Variants in GRIK4 observed in about 807,000 individuals in gnomAD.
GRIK4 encodes the protein glutamate receptor ionotropic, kainate 4.
A neutral mutation model predicts 104.9 loss-of-function variants in GRIK4; 40 were observed. The observed-to-expected ratio is 0.38, with a 90% confidence interval of 0.30 to 0.50. GRIK4 has a LOEUF of 0.50. GRIK4 is among the 20% of genes least tolerant of loss of function. The pLI is 0.93. For synonymous variants in GRIK4, 485 were observed against 524.9 expected, an observed-to-expected ratio of 0.92 and a Z score of 1.04; for missense variants, 1,047 against 1,308.1, an observed-to-expected ratio of 0.80 and a Z score of 3.08.
intron 3 of GRIK4, among the ~76,000 whole-genome samples, chr11:120,680,144 C>G (rs60058140): frequency 0.014 from 2,137 of 152,256 alleles, 49 homozygotes; most frequent in African/African-American, 0.048. Flanking sequence ...GTGGCGTGAT[C>G]TTAGCTCATT....
chr11:120,886,202 C>T (rs145196689), intron 11 of GRIK4, among the ~76,000 whole-genome samples: 1 of 152,364 alleles, frequency 6.6e-6, no homozygotes, highest in Non-Finnish European at 1.5e-5. Flanking sequence ...TGTGCACGTT[C>T]CCAGCTGAGG....
chr11:120,852,205 A>C (rs1953989559), intron 8 of GRIK4, among the ~76,000 whole-genome samples: 4 of 152,230 alleles, frequency 2.6e-5, no homozygotes, highest in Admixed American at 2.6e-4. Context: ...ACAGTGTTGT[A>C]AATAAAAAAA....
chr11:120,908,635 G>A (rs1942925009), intron 13 of GRIK4, among the ~76,000 whole-genome samples: 1 of 152,106 alleles, frequency 6.6e-6, no homozygotes, highest in Non-Finnish European at 1.5e-5. Flanking sequence ...ATGCAGAAGG[G>A]GTGTGTTAGC....
At chr11:120,733,319 A>G (rs889804824) in intron 3 of GRIK4, among the ~76,000 whole-genome samples, 4 of 152,184 alleles carry the variant, frequency 2.6e-5, no homozygotes, top group Middle Eastern at 6.8e-3. Flanking sequence ...TTTATATTCA[A>G]TGTTATTATT....
chr11:120,973,967 G>C (rs1944518942), intron 19 of GRIK4, among the ~76,000 whole-genome samples: 1 of 151,964 alleles, frequency 6.6e-6, no homozygotes, highest in Admixed American at 6.6e-5. Context: ...GAGTGCAATG[G>C]CACAATCTTG....
At chr11:120,839,277 A>G (rs564792821) in intron 8 of GRIK4, among the ~76,000 whole-genome samples, 1 of 152,220 alleles carries the variant, frequency 6.6e-6, no homozygotes, top group African/African-American at 2.4e-5. Flanking sequence ...GTGATGCAGT[A>G]GGTCCTCAGA....
Position 120,646,434 on chromosome 11 carries a change from T to C in GRIK4, c.-158-7251T>C, listed in dbSNP as rs562847988. ...GAGCTTGTGCGGATAACCACTCCCTTGTACTGCCTCCTTCTGGGAGTTTTG... is the reference window on the plus strand; with the variant it reads ...GAGCTTGTGCGGATAACCACTCCCTCGTACTGCCTCCTTCTGGGAGTTTTG... On this transcript the variant is annotated intron_variant, in intron 1 of 20. Transcript: ENST00000527524. 3.3e-5 allele frequency among the ~76,000 whole-genome samples: 5 copies of C among 152,182 alleles called. No individual in the cohort carries two copies. In the South Asian group the frequency reaches 1.0e-3, roughly 31 times the overall value.
At chr11:120,703,016 A>G (rs61901376) in intron 3 of GRIK4, among the ~76,000 whole-genome samples, 14,503 of 152,282 alleles carry the variant, frequency 0.095, 736 homozygotes, top group South Asian at 0.12. Context: ...AAAAAGCAAC[A>G]TAGCTGCCTT....
At chr11:120,792,608 A>G (rs1357596454) in intron 3 of GRIK4, among the ~76,000 whole-genome samples, 1 of 152,086 alleles carries the variant, frequency 6.6e-6, no homozygotes. Flanking sequence ...GACTGGTTTG[A>G]GAAATTTTGA....
intron 4 of GRIK4, among the ~76,000 whole-genome samples, chr11:120,812,385 C>A (rs1952847068): frequency 6.6e-6 from 1 of 152,200 alleles, no homozygotes; most frequent in African/African-American, 2.4e-5. Context: ...CTTAAACTTT[C>A]TAGGCCTCAG....
intron 3 of GRIK4, among the ~76,000 whole-genome samples, chr11:120,726,875 A>G (rs1020554769): frequency 7.9e-5 from 12 of 152,250 alleles, no homozygotes; most frequent in African/African-American, 2.9e-4. Flanking sequence ...TGAAACAACA[A>G]AATAACAAAA....
At position 120,869,761 on chromosome 11, in the gene GRIK4, G is replaced by A. The variant is rs113409188; in HGVS notation, c.907-4305G>A. 5.0e-3 allele frequency: 769 copies of A among 153,078 alleles called. 4 individuals carry two copies. The highest frequency in any genetic ancestry group is 9.1e-3 in the Non-Finnish European group (622 of 68,356). 9.5% of individuals were successfully genotyped at this position (153,078 alleles called of 1,614,324 possible). ...CTGGAGGAAGAGGGGGCCTGGGGAG[G>A]GGGCCTGTAGACACTGGGGACTGGT... On this transcript the variant is annotated intron_variant, in intron 9 of 20. Coordinates refer to ENST00000527524, the MANE Select transcript of GRIK4 (RefSeq NM_014619.5).
At chr11:120,528,509 C>G (rs928085865) in intron 1 of GRIK4, among the ~76,000 whole-genome samples, 2 of 152,222 alleles carry the variant, frequency 1.3e-5, no homozygotes, top group Non-Finnish European at 2.9e-5. Flanking sequence ...GGGGACCCTT[C>G]TTTCCTCTGA....
At chr11:120,584,907 C>A (rs1459464023) in intron 1 of GRIK4, among the ~76,000 whole-genome samples, 7 of 152,202 alleles carry the variant, frequency 4.6e-5, no homozygotes, top group African/African-American at 1.4e-4. Context: ...ATAAAGCCTA[C>A]TTGATCATGG....
intron 9 of GRIK4, among the ~76,000 whole-genome samples, chr11:120,865,304 T>C (rs1469380593): frequency 2.0e-5 from 3 of 152,270 alleles, no homozygotes; most frequent in Non-Finnish European, 2.9e-5. Flanking sequence ...GCTATGTAAA[T>C]ACTGTGTAAC....
At chr11:120,656,663 C>A (rs1055738662) in intron 2 of GRIK4, among the ~76,000 whole-genome samples, 4 of 152,136 alleles carry the variant, frequency 2.6e-5, no homozygotes, top group African/African-American at 9.7e-5. Context: ...GAGTTCGAGA[C>A]CAGCCTGGTC....
intron 11 of GRIK4, among the ~76,000 whole-genome samples, chr11:120,892,619 C>G (rs914248448): frequency 2.0e-5 from 3 of 152,102 alleles, no homozygotes; most frequent in Non-Finnish European, 4.4e-5. Flanking sequence ...CCCCAGAGGA[C>G]CCCTGTGGTC....
In GRIK4 at chr11:120,819,403, A is replaced by G. The variant is rs1044448566; in HGVS notation, c.346-352A>G. Reference sequence around the variant, plus strand: ...AAATATTCTAAGGATTATGCTTTCAAGAGCCAACTGTCTCTCTGCCAGCAG... The same window carrying G: ...AAATATTCTAAGGATTATGCTTTCAGGAGCCAACTGTCTCTCTGCCAGCAG... On this transcript the variant is annotated intron_variant, in intron 5 of 20. Transcript: ENST00000527524. The surrounding 1 kb of genome is among the most constrained non-coding windows in gnomAD (Gnocchi z 4.3). Among the ~76,000 whole-genome samples, 1 of 152,244 alleles carries G rather than the reference A, an allele frequency of 6.6e-6. No homozygotes were observed. Among genetic ancestry groups the G allele is most frequent in the African/African-American group, 2.4e-5 (1 of 41,460 alleles).
chr11:120,539,054 G>A (rs1014670625), intron 1 of GRIK4, among the ~76,000 whole-genome samples: 2 of 152,258 alleles, frequency 1.3e-5, no homozygotes, highest in Admixed American at 6.5e-5. Context: ...TCCAAAGCAA[G>A]TGAGAGGCAC....
Sources: allele counts gnomAD v4.1 joint callset (sites outside exome capture counted in the v4.1 genomes callset), GRCh38; gene constraint gnomAD v4.1.1; non-coding constraint Gnocchi (gnomAD v3.1); transcripts MANE v1.5; gene names NCBI Gene and HGNC (gene_info 2026-07-23, HGNC 2026-07-21).